ZBTB11: variants seen among roughly 807,000 people sequenced by gnomAD.
ZBTB11 encodes the protein zinc finger and BTB domain containing 11, also known as zinc finger and BTB domain-containing protein 11.
ZBTB11 carries 68 observed loss-of-function variants against 113.1 expected under a neutral mutation model. The ratio of observed to expected loss-of-function variants is 0.60; its 90% CI spans 0.49 to 0.74. The LOEUF is 0.74. Ranked by LOEUF, ZBTB11 falls within the 30% of genes least tolerant of loss-of-function variation. The probability of loss-of-function intolerance (pLI) is 0.00; values close to 1 mark genes in which losing one functional copy is unlikely to be tolerated. For missense variants in ZBTB11, 1,104 were observed against 1,279.4 expected, an observed-to-expected ratio of 0.86 and a Z score of 2.09; for synonymous variants, 518 against 452.6, an observed-to-expected ratio of 1.14 and a Z score of -1.83.
chr3:101,664,424 G>C, intron 5 of ZBTB11, 114 bp downstream of exon 5: 1 of 996,128 alleles, frequency 1.0e-6, no homozygotes, highest in Non-Finnish European at 1.4e-6. Flanking sequence ...ATAAGAAGAT[G>C]ACTCTTATAG....
intron 1 of ZBTB11, among the ~76,000 whole-genome samples, chr3:101,676,001 T>TA (rs997852903): frequency 6.8e-4 from 102 of 150,996 alleles, no homozygotes; most frequent in South Asian, 8.4e-4. Context: ...TTCTTGTTCT[T>TA]AAAAAAAAAC....
chr3:101,673,623 C>G (rs1489860451), intron 1 of ZBTB11, among the ~76,000 whole-genome samples: 1 of 151,926 alleles, frequency 6.6e-6, no homozygotes, highest in Non-Finnish European at 1.5e-5. Context: ...AAGTGATACT[C>G]CCACCTCAGC....
At chr3:101,655,964 A>G (rs934504710) in intron 7 of ZBTB11, 140 bp downstream of exon 7, 1 of 734,338 alleles carries the variant, frequency 1.4e-6, no homozygotes, top group East Asian at 3.8e-5. Flanking sequence ...CCCAGCCTGC[A>G]CTTTTAATTT....
At position 101,650,337 on chromosome 3, in the gene ZBTB11, A is replaced by C. The variant is rs1393638404; in HGVS notation, c.*829T>G. ...TTGTTCATTCTTTGCAAATAATGAGAATTTTTTTTTCCATTAATTGTCCTA... is the reference window on the plus strand; with the variant it reads ...TTGTTCATTCTTTGCAAATAATGAGCATTTTTTTTTCCATTAATTGTCCTA... On this transcript the variant is annotated 3_prime_UTR_variant, in exon 11 of 11. Transcript: ENST00000312938. The C allele has an allele frequency of 6.6e-6, 1 of 152,480 alleles. No individual in the cohort carries two copies. The highest frequency in any genetic ancestry group is 2.4e-5 in the African/African-American group (1 of 41,432). 9.4% of individuals were successfully genotyped at this position (152,480 alleles called of 1,614,324 possible). A position where few individuals can be genotyped will look rare whatever the true frequency, so the allele number is the denominator to read the frequency against.
Position 101,656,230 on chromosome 3 carries a change from TAA to T in ZBTB11, c.2063_2064del (p.Phe688TyrfsTer3). The stretch of plus-strand genomic sequence containing the variant: ...TGTAATTTTAGACCATGCTTATAGA[TAA>T]AAGTCTTTCCACAGACCTAAGATAG... Reference protein sequence around the residue: ...PHACQVCGKTFIYKHGLKLHQ... With the variant: ...PHACQVCGKTXIYKHGLKLHQ... On this transcript the variant is annotated frameshift_variant, in exon 7 of 11. Coordinates refer to ENST00000312938, the MANE Select transcript of ZBTB11 (RefSeq NM_014415.4). LOFTEE classifies it high-confidence loss of function. The T allele has an allele frequency of 6.3e-7, 1 of 1,579,718 alleles. No individual in the cohort carries two copies. The highest frequency in any genetic ancestry group is 8.6e-7 in the Non-Finnish European group (1 of 1,164,600).
chr3:101,660,174 A>C, intron 5 of ZBTB11, 146 bp from the exon 6 acceptor site: 1 of 793,542 alleles, frequency 1.3e-6, no homozygotes. Flanking sequence ...TAGATTGTAA[A>C]GATAAAAGGG....
In ZBTB11 at chr3:101,651,650, A is replaced by C. The variant is rs745591665; in HGVS notation, c.2678T>G (p.Val893Gly). The change falls in exon 11 of 11, where the codon GTA becomes GGA. Residue 893 changes from valine (V) to glycine (G), a missense_variant. Val to Gly is a moderately radical substitution (Grantham distance 109, BLOSUM62 -3). Coordinates refer to ENST00000312938, the MANE Select transcript of ZBTB11 (RefSeq NM_014415.4). Reference sequence around the variant, plus strand: ...TAGAGATCGGGCATCAGCCCAAGCTACTCCACATGTTAAGCACTCAAATGG... The same window carrying C: ...TAGAGATCGGGCATCAGCCCAAGCTCCTCCACATGTTAAGCACTCAAATGG... ...VKPFECLTCG[V>G]AWADARSLKR... is the part of the protein sequence containing the mutation. 6.4e-7 allele frequency: 1 copy of C among 1,574,082 alleles called. No individual in the cohort carries two copies. The highest frequency in any genetic ancestry group is 1.9e-5 in the Admixed American group (1 of 53,500).
At chr3:101,657,760 G>A (rs1193579144) in intron 6 of ZBTB11, among the ~76,000 whole-genome samples, 1 of 151,994 alleles carries the variant, frequency 6.6e-6, no homozygotes, top group East Asian at 1.9e-4. Context: ...CCAGGTGGGA[G>A]AACAGCTTGA....
chr3:101,653,048 C>A, intron 8 of ZBTB11, 110 bp from the exon 9 acceptor site: 2 of 1,189,124 alleles, frequency 1.7e-6, no homozygotes, highest in South Asian at 3.3e-5. Flanking sequence ...ATGATCTCAA[C>A]TTAAAAGAAT....
rs375238388 is a variant in ZBTB11, at chr3:101,669,942, C to T, written c.778+1188G>A. On this transcript the variant is annotated intron_variant, in intron 3 of 10. Transcript: ENST00000312938. ...CTCCCAGGTTCAAGCGATTCTCCTG[C>T]CTCAGCCTCCCGAGTAGCTGGGATT... Among the ~76,000 whole-genome samples, 48 of 152,118 alleles carry T rather than the reference C, an allele frequency of 3.2e-4. 1 individual carries two copies. The highest frequency in any genetic ancestry group is 1.1e-3 in the African/African-American group (47 of 41,482).
chr3:101,674,066 G>A (rs1937123650), intron 1 of ZBTB11, among the ~76,000 whole-genome samples: 1 of 134,528 alleles, frequency 7.4e-6, no homozygotes, highest in Admixed American at 7.7e-5. Context: ...CATAAACAAT[G>A]GGGCTTGGGG....
intron 2 of ZBTB11, 161 bp from the exon 3 acceptor site, chr3:101,671,522 T>C (rs112755203): frequency 1.2e-4 from 75 of 625,058 alleles, no homozygotes; most frequent in African/African-American, 1.2e-3. Context: ...TATGTTGTCC[T>C]ATCCTATTTT....
intron 8 of ZBTB11, 127 bp from the exon 9 acceptor site, chr3:101,653,065 A>G: frequency 3.0e-6 from 3 of 1,008,020 alleles, no homozygotes; most frequent in Non-Finnish European, 4.2e-6. Context: ...GAATTCCCTA[A>G]TTTTCTAATC....
intron 3 of ZBTB11, among the ~76,000 whole-genome samples, chr3:101,667,692 G>A (rs1576650953): frequency 6.6e-6 from 1 of 151,768 alleles, no homozygotes; most frequent in Non-Finnish European, 1.5e-5. Context: ...ACGGAGTTTC[G>A]CTCTTGTTGC....
At chr3:101,662,573 C>T (rs1026710144) in intron 5 of ZBTB11, among the ~76,000 whole-genome samples, 1 of 152,160 alleles carries the variant, frequency 6.6e-6, no homozygotes, top group Non-Finnish European at 1.5e-5. Context: ...CCACTGCACT[C>T]CAGCCTGCGC....
chr3:101,651,389 G>A lies in ZBTB11; in HGVS notation c.2939C>T (p.Pro980Leu). ...AGMQEQESSG[P>L]QELETVVVTG... ...CACTACCACAGTCTCAAGTTCTTGA[G>A]GACCACTGCTTTCTTGTTCCTGCAT... is the stretch of plus-strand genomic sequence containing the variant. Residue 980 changes from proline to leucine, a missense_variant, in exon 11 of 11, where the codon CCT becomes CTT. Transcript: ENST00000312938. 6.2e-7 allele frequency: 1 copy of A among 1,613,974 alleles called. No homozygotes were observed.
rs779814563 is a variant in ZBTB11, at chr3:101,660,048, C to A, written c.1801-20G>T. 1.9e-6 allele frequency: 3 copies of A among 1,603,480 alleles called. No individual in the cohort carries two copies. Among genetic ancestry groups the A allele is most frequent in the South Asian group, 1.1e-5 (1 of 89,974 alleles). On this transcript the variant is annotated intron_variant, in intron 5 of 10. Transcript: ENST00000312938. ...ACACAACTAAAAGAAAAATAAAATT[C>A]TCTCTAAATGTATTTCCATTACAAA...
chr3:101,667,462 A>G (rs1422688822), intron 3 of ZBTB11, among the ~76,000 whole-genome samples: 1 of 152,200 alleles, frequency 6.6e-6, no homozygotes, highest in East Asian at 1.9e-4. Context: ...ATTGAGAGCC[A>G]TATTTGCTGT....
At chr3:101,676,175 C>A (rs1052917920) in intron 1 of ZBTB11, among the ~76,000 whole-genome samples, 12 of 152,188 alleles carry the variant, frequency 7.9e-5, no homozygotes, top group Non-Finnish European at 1.6e-4. Context: ...AACGGGAGAC[C>A]CGGCTTCGGG....
Sources: allele counts gnomAD v4.1 joint callset (sites outside exome capture counted in the v4.1 genomes callset), GRCh38; gene constraint gnomAD v4.1.1; transcripts MANE v1.5; gene names NCBI Gene and HGNC (gene_info 2026-07-23, HGNC 2026-07-21).